XKR6: variants seen among roughly 807,000 people sequenced by gnomAD.
The protein encoded by XKR6 is XK-related protein 6.
XKR6 carries 22 observed loss-of-function variants against 56.7 expected under a neutral mutation model. The ratio of observed to expected loss-of-function variants is 0.39; its 90% CI spans 0.28 to 0.55. XKR6 has a LOEUF of 0.55. Ranked by LOEUF, XKR6 falls within the 20% of genes least tolerant of loss-of-function variation. The pLI, the probability that XKR6 is intolerant of heterozygous loss-of-function variation, is 0.66. For synonymous variants in XKR6, 524 were observed against 387.8 expected, an observed-to-expected ratio of 1.35 and a Z score of -4.13; for missense variants, 852 against 889.0, an observed-to-expected ratio of 0.96 and a Z score of 0.53.
At chr8:10,907,128 T>G (rs1800208288) in intron 2 of XKR6, among the ~76,000 whole-genome samples, 1 of 152,082 alleles carries the variant, frequency 6.6e-6, no homozygotes, top group South Asian at 2.1e-4. Flanking sequence ...CCCTCAGGAC[T>G]GACAAATATG....
Position 11,200,877 on chromosome 8 carries a change from G to A in XKR6, c.463C>T (p.Arg155Cys). Residue 155 changes from arginine (R) to cysteine (C), a missense_variant, in exon 1 of 3, where the codon CGC (arginine) becomes TGC (cysteine). Arg to Cys is a radical substitution (Grantham distance 180). Around this residue, in one of 4 missense-constraint regions of XKR6, gnomAD observed 417 missense variants for 355.2 expected, o/e 1.17. Transcript: ENST00000416569. This position sits in a 1 kb window ranked among gnomAD's most constrained non-coding sequence, Gnocchi z 6.4. ...CCGAAGTAGACGTAGTCCCCCTTGC[G>A]GTAGTAGTCGAGGGCCAGCCACAGG... Reference protein sequence around the residue: ...TDLWLALDYYRKGDYVYFGLT... With the variant: ...TDLWLALDYYCKGDYVYFGLT... 2 of 1,611,678 alleles carry A rather than the reference G, an allele frequency of 1.2e-6. No individual in the cohort carries two copies. The highest frequency in any genetic ancestry group is 8.5e-7 in the Non-Finnish European group (1 of 1,179,470).
intron 1 of XKR6, among the ~76,000 whole-genome samples, chr8:11,158,220 G>C (rs118025861): frequency 6.6e-6 from 1 of 152,210 alleles, no homozygotes; most frequent in Non-Finnish European, 1.5e-5. Flanking sequence ...AATGGAAGCA[G>C]AGAGCAGAAG....
In XKR6 at chr8:11,073,662, T is replaced by G. The variant is rs368381144; in HGVS notation, c.764+126914A>C. On this transcript the variant is annotated intron_variant, in intron 1 of 2. Coordinates refer to ENST00000416569, the MANE Select transcript of XKR6 (RefSeq NM_173683.4). ...AAACTTTTCATCAATAATAGAGAAT[T>G]AAAAGATGTCACTAAATCCTGATAC... Among the ~76,000 whole-genome samples, 111 of 152,130 alleles carry G rather than the reference T, an allele frequency of 7.3e-4. 1 individual carries two copies. Among genetic ancestry groups the G allele is most frequent in the South Asian group, 8.3e-4 (4 of 4,818 alleles).
At chr8:11,150,648 T>C (rs1801226730) in intron 1 of XKR6, among the ~76,000 whole-genome samples, 1 of 151,932 alleles carries the variant, frequency 6.6e-6, no homozygotes, top group Non-Finnish European at 1.5e-5. Context: ...AGGTCAGTAG[T>C]TTGAGAGCAG....
chr8:11,196,065 A>G (rs1406357978), intron 1 of XKR6, among the ~76,000 whole-genome samples: 1 of 152,136 alleles, frequency 6.6e-6, no homozygotes, highest in Non-Finnish European at 1.5e-5. Flanking sequence ...AAATGCAAGT[A>G]TACAATCTAT....
intron 1 of XKR6, chr8:11,138,245 T>TGTGG (rs1800507059): frequency 6.5e-6 from 1 of 153,272 alleles, no homozygotes; most frequent in Non-Finnish European, 1.5e-5. Flanking sequence ...GTGTCTCATG[T>TGTGG]TGAAATGTTA....
chr8:10,988,736 G>A (rs1435033581), intron 1 of XKR6, among the ~76,000 whole-genome samples: 1 of 152,214 alleles, frequency 6.6e-6, no homozygotes, highest in African/African-American at 2.4e-5. Flanking sequence ...ACCAAAGGAA[G>A]AAAAGAGATC....
At chr8:11,033,317 T>C (rs1034595407) in intron 1 of XKR6, among the ~76,000 whole-genome samples, 5 of 150,314 alleles carry the variant, frequency 3.3e-5, no homozygotes, top group Non-Finnish European at 1.5e-5. Context: ...ATGATGATGA[T>C]GACGATAGTG....
At position 10,982,290 on chromosome 8, in the gene XKR6, A is replaced by T. The variant is rs187295570; in HGVS notation, c.765-57460T>A. Among the ~76,000 whole-genome samples, 79 of 152,354 alleles carry T rather than the reference A, an allele frequency of 5.2e-4. 1 individual carries two copies. In the East Asian group the frequency reaches 0.014, roughly 28 times the overall value. ...TCATTTCCAAGAAAGCAAATGAAAGATACGGTTTCTCAAGAAAGAAGGAAG... is the reference window on the plus strand; with the variant it reads ...TCATTTCCAAGAAAGCAAATGAAAGTTACGGTTTCTCAAGAAAGAAGGAAG... On this transcript the variant is annotated intron_variant, in intron 1 of 2. Coordinates refer to ENST00000416569, the MANE Select transcript of XKR6 (RefSeq NM_173683.4).
chr8:11,049,793 T>G (rs1799499615), intron 1 of XKR6, among the ~76,000 whole-genome samples: 1 of 152,108 alleles, frequency 6.6e-6, no homozygotes, highest in Non-Finnish European at 1.5e-5. Context: ...TGGGCAGAAT[T>G]TTTCTAGTCT....
At chr8:11,174,345 T>C (rs1370028872) in intron 1 of XKR6, among the ~76,000 whole-genome samples, 2 of 152,176 alleles carry the variant, frequency 1.3e-5, no homozygotes, top group African/African-American at 2.4e-5. Context: ...TGCAGAAGTG[T>C]TTATTGTACC....
chr8:11,103,266 G>T (rs889181465), intron 1 of XKR6, among the ~76,000 whole-genome samples: 23 of 152,154 alleles, frequency 1.5e-4, no homozygotes, highest in Admixed American at 1.3e-3. Flanking sequence ...CACAGGAATT[G>T]CTTATGCTGG....
intron 1 of XKR6, among the ~76,000 whole-genome samples, chr8:10,941,525 G>A (rs1439609842): frequency 2.0e-5 from 3 of 152,218 alleles, no homozygotes; most frequent in African/African-American, 7.2e-5. Flanking sequence ...CACTCCTGCA[G>A]GACCTTCAGC....
At chr8:11,117,111 T>C (rs772371779) in intron 1 of XKR6, among the ~76,000 whole-genome samples, 4 of 152,210 alleles carry the variant, frequency 2.6e-5, no homozygotes, top group Non-Finnish European at 5.9e-5. Flanking sequence ...AAATGCTATT[T>C]ATTTAAGAAC....
chr8:11,035,154 A>G (rs1457853823), intron 1 of XKR6: 2 of 531,554 alleles, frequency 3.8e-6, no homozygotes, highest in African/African-American at 1.9e-5. Flanking sequence ...AACTATGACA[A>G]ACAGCCAGTC....
chr8:10,974,211 T>C (rs1166861083), intron 1 of XKR6, among the ~76,000 whole-genome samples: 1 of 152,232 alleles, frequency 6.6e-6, no homozygotes, highest in Non-Finnish European at 1.5e-5. Context: ...GGCTCCCACA[T>C]GTTAGCTGTA....
chr8:11,086,329 A>G (rs964865809), intron 1 of XKR6, among the ~76,000 whole-genome samples: 1 of 152,042 alleles, frequency 6.6e-6, no homozygotes, highest in African/African-American at 2.4e-5. Context: ...CTGGATATTA[A>G]AGGACTCATG....
intron 1 of XKR6, among the ~76,000 whole-genome samples, chr8:10,996,979 A>G (rs1798127752): frequency 6.6e-6 from 1 of 152,200 alleles, no homozygotes; most frequent in Non-Finnish European, 1.5e-5. Flanking sequence ...TATTTAAAAA[A>G]TAAAATAAAA....
At chr8:11,024,782 A>G (rs1798823945) in intron 1 of XKR6, among the ~76,000 whole-genome samples, 1 of 152,226 alleles carries the variant, frequency 6.6e-6, no homozygotes, top group African/African-American at 2.4e-5. Context: ...ATCCCTCTTA[A>G]AGACAGTGCA....
Sources: gnomAD v4.1 joint callset for allele counts (sites outside exome capture counted in the v4.1 genomes callset) on GRCh38, gnomAD v4.1.1 for gene constraint, gnomAD v4.1.1 regional missense constraint, Gnocchi (gnomAD v3.1) non-coding constraint, MANE v1.5 for transcripts, NCBI Gene and HGNC (gene_info 2026-07-23, HGNC 2026-07-21) for gene names.